Variants in ZNF385D observed in about 807,000 individuals in gnomAD.
ZNF385D encodes the protein zinc finger protein 385D, also known as zinc finger protein 659.
ZNF385D carries 15 observed loss-of-function variants against 35.8 expected under a neutral mutation model. That is an observed-to-expected ratio of 0.42 (90% confidence interval 0.28 to 0.64). ZNF385D has a LOEUF of 0.64. Among genes scored for constraint, ZNF385D ranks in the 30% least tolerant of loss-of-function variants. ZNF385D has a pLI of 0.23. For missense variants in ZNF385D, 474 were observed against 494.6 expected, an observed-to-expected ratio of 0.96 and a Z score of 0.39; for synonymous variants, 212 against 186.8, an observed-to-expected ratio of 1.13 and a Z score of -1.10.
chr3:21,743,341 T>A (rs1050828545), intron 1 of ZNF385D, among the ~76,000 whole-genome samples: 1 of 152,080 alleles, frequency 6.6e-6, no homozygotes, highest in Non-Finnish European at 1.5e-5. Context: ...TAAGCTTTAC[T>A]ATCTACACTA....
intron 3 of ZNF385D, among the ~76,000 whole-genome samples, chr3:21,839,411 C>A (rs758692610): frequency 3.9e-5 from 6 of 152,078 alleles, no homozygotes; most frequent in Non-Finnish European, 5.9e-5. Context: ...ACCAGTATAG[C>A]CAGTCTTTGG....
At chr3:22,282,146 G>C (rs912627493) in intron 2 of ZNF385D, among the ~76,000 whole-genome samples, 1 of 151,692 alleles carries the variant, frequency 6.6e-6, no homozygotes, top group Admixed American at 6.6e-5. Context: ...CTCTTTTCTT[G>C]GTTATTCTCA....
At chr3:21,680,500 C>T (rs573870455) in intron 1 of ZNF385D, among the ~76,000 whole-genome samples, 7 of 152,232 alleles carry the variant, frequency 4.6e-5, no homozygotes, top group African/African-American at 1.4e-4. Flanking sequence ...ACAATTTGTT[C>T]TTTCCTGCGT....
At chr3:22,316,277 G>C (rs556632032) in intron 2 of ZNF385D, among the ~76,000 whole-genome samples, 1 of 152,264 alleles carries the variant, frequency 6.6e-6, no homozygotes, top group Admixed American at 6.5e-5. Context: ...GCAGATTTGA[G>C]TATTATTAAA....
At chr3:22,232,372 T>C (rs140231932) in intron 2 of ZNF385D, among the ~76,000 whole-genome samples, 6 of 152,078 alleles carry the variant, frequency 3.9e-5, no homozygotes, top group Non-Finnish European at 7.4e-5. Context: ...TCTCTGAGAA[T>C]GGCTTCACGT....
At chr3:22,015,002 G>T (rs575552159) in intron 3 of ZNF385D, among the ~76,000 whole-genome samples, 2 of 151,144 alleles carry the variant, frequency 1.3e-5, no homozygotes, top group Middle Eastern at 6.8e-3. Flanking sequence ...ACATGTCTTT[G>T]TTGTTTGAAT....
At chr3:22,089,767 AT>A (rs1215808762) in intron 3 of ZNF385D, among the ~76,000 whole-genome samples, 1 of 152,084 alleles carries the variant, frequency 6.6e-6, no homozygotes, top group Non-Finnish European at 1.5e-5. Context: ...CTGTTCTTAT[AT>A]TTTTAGAGTC....
At chr3:21,471,666 T>C (rs1703908508) in intron 4 of ZNF385D, among the ~76,000 whole-genome samples, 2 of 152,134 alleles carry the variant, frequency 1.3e-5, no homozygotes, top group South Asian at 4.1e-4. Context: ...TCAAAATATT[T>C]TTTGTTACAG....
At chr3:21,565,798 A>T (rs1244846796) in intron 2 of ZNF385D, among the ~76,000 whole-genome samples, 1 of 151,810 alleles carries the variant, frequency 6.6e-6, no homozygotes, top group South Asian at 2.1e-4. Flanking sequence ...AGGACTTATA[A>T]GTAAGTCTTC....
At chr3:21,878,981 G>A (rs922317541) in intron 3 of ZNF385D, among the ~76,000 whole-genome samples, 1 of 151,948 alleles carries the variant, frequency 6.6e-6, no homozygotes, top group Admixed American at 6.6e-5. Flanking sequence ...GAGCAGGAGG[G>A]TAGGACAGAA....
chr3:21,695,342 A>C (rs924982063), intron 1 of ZNF385D, among the ~76,000 whole-genome samples: 1 of 152,140 alleles, frequency 6.6e-6, no homozygotes, highest in Non-Finnish European at 1.5e-5. Flanking sequence ...GAGCTGAGAG[A>C]AAGTGAAGCT....
intron 2 of ZNF385D, among the ~76,000 whole-genome samples, chr3:22,228,574 G>A (rs943834245): frequency 8.5e-5 from 13 of 152,210 alleles, no homozygotes; most frequent in African/African-American, 3.1e-4. Flanking sequence ...TGTCATTTGA[G>A]TGCCCTGAAG....
chr3:22,190,204 C>T (rs1695921000), intron 2 of ZNF385D, among the ~76,000 whole-genome samples: 1 of 152,060 alleles, frequency 6.6e-6, no homozygotes, highest in Non-Finnish European at 1.5e-5. Context: ...TATTCAAATA[C>T]AGTCAAAGTT....
intron 3 of ZNF385D, among the ~76,000 whole-genome samples, chr3:21,784,971 G>T (rs911332544): frequency 6.6e-6 from 1 of 151,432 alleles, no homozygotes; most frequent in African/African-American, 2.4e-5. Flanking sequence ...GTTGTTTTTG[G>T]TGACCCCTTA....
At chr3:21,859,838 CA>C (rs1452918098) in intron 3 of ZNF385D, among the ~76,000 whole-genome samples, 2 of 151,772 alleles carry the variant, frequency 1.3e-5, no homozygotes, top group African/African-American at 4.8e-5. Context: ...ATTTGAAGCC[CA>C]AAGTGTAATT....
intron 3 of ZNF385D, among the ~76,000 whole-genome samples, chr3:21,951,073 T>A (rs1312079752): frequency 6.6e-6 from 1 of 151,746 alleles, no homozygotes; most frequent in East Asian, 1.9e-4. Context: ...TTTTTTCTAA[T>A]TCTGTGAAGA....
chr3:22,165,899 T>C (rs1019124356), intron 3 of ZNF385D, among the ~76,000 whole-genome samples: 5 of 152,214 alleles, frequency 3.3e-5, no homozygotes, highest in African/African-American at 7.2e-5. Context: ...TCACTTTCTA[T>C]TGATTCCTGC....
chr3:22,162,049 A>C (rs1175852200), intron 3 of ZNF385D, among the ~76,000 whole-genome samples: 1 of 152,194 alleles, frequency 6.6e-6, no homozygotes, highest in African/African-American at 2.4e-5. Context: ...AATGATGTAT[A>C]TGAAGTACTT....
At chr3:22,023,644 T>A (rs994311949) in intron 3 of ZNF385D, among the ~76,000 whole-genome samples, 10 of 151,242 alleles carry the variant, frequency 6.6e-5, no homozygotes, top group African/African-American at 2.4e-4. Flanking sequence ...AAATATGAGT[T>A]AGCAGCAAAG....
Sources: allele counts gnomAD v4.1 joint callset (sites outside exome capture counted in the v4.1 genomes callset), GRCh38; gene constraint gnomAD v4.1.1; transcripts MANE v1.5; gene names NCBI Gene and HGNC (gene_info 2026-07-23, HGNC 2026-07-21).